Variants in PTPN4 observed in about 807,000 individuals in gnomAD.
The protein encoded by PTPN4 is protein tyrosine phosphatase non-receptor type 4.
A neutral mutation model predicts 135.5 loss-of-function variants in PTPN4; 49 were observed. The observed-to-expected ratio is 0.36, with a 90% CI of 0.29 to 0.46. The LOEUF is 0.46. Ranked by LOEUF, PTPN4 falls within the 20% of genes least tolerant of loss-of-function variation. The pLI is 1.00. For missense variants in PTPN4, 860 were observed against 1,101.0 expected, an observed-to-expected ratio of 0.78 and a Z score of 3.10; for synonymous variants, 333 against 369.9, an observed-to-expected ratio of 0.90 and a Z score of 1.14.
At chr2:119,938,888 C>T (rs1218055164) in intron 15 of PTPN4, among the ~76,000 whole-genome samples, 3 of 152,120 alleles carry the variant, frequency 2.0e-5, no homozygotes, top group South Asian at 2.1e-4. Context: ...AACAACTTTC[C>T]TCCTTTTTGC....
intron 1 of PTPN4, among the ~76,000 whole-genome samples, chr2:119,778,321 TAGTTCTTTGACTC>T (rs1056684236): frequency 5.3e-5 from 8 of 152,058 alleles, no homozygotes; most frequent in African/African-American, 1.9e-4. Context: ...GGAGAAAGAG[TAGTTCTTTGACTC>T]ACTAAATTAA....
At chr2:119,907,973 G>T (rs948355484) in intron 10 of PTPN4, among the ~76,000 whole-genome samples, 1 of 152,068 alleles carries the variant, frequency 6.6e-6, no homozygotes, top group South Asian at 2.1e-4. Flanking sequence ...AGAGTTACAC[G>T]TAAGACCTGA....
chr2:119,883,863 C>A (rs1370197889), intron 8 of PTPN4, among the ~76,000 whole-genome samples: 1 of 152,178 alleles, frequency 6.6e-6, no homozygotes, highest in Non-Finnish European at 1.5e-5. Context: ...AGAAAACTTA[C>A]TTTCTTTTAC....
chr2:119,793,150 C>T (rs889036673), intron 1 of PTPN4, among the ~76,000 whole-genome samples: 3 of 152,282 alleles, frequency 2.0e-5, no homozygotes, highest in African/African-American at 4.8e-5. Context: ...GAGACCAGGG[C>T]GTGTTTCATC....
At chr2:119,903,490 G>C (rs116502902) in intron 10 of PTPN4, among the ~76,000 whole-genome samples, 1 of 151,718 alleles carries the variant, frequency 6.6e-6, no homozygotes, top group Admixed American at 6.6e-5. Context: ...GATGTGCCTC[G>C]CCCTCAGCTA....
intron 2 of PTPN4, among the ~76,000 whole-genome samples, chr2:119,836,522 C>T (rs112822510): frequency 0.023 from 3,535 of 152,342 alleles, 128 homozygotes; most frequent in African/African-American, 0.077. Flanking sequence ...GCAGCTGGGG[C>T]TGTGCACTCC....
At chr2:119,801,900 G>GT (rs768983862) in intron 1 of PTPN4, among the ~76,000 whole-genome samples, 5,753 of 98,734 alleles carry the variant, frequency 0.058, 442 homozygotes, top group Non-Finnish European at 0.067. Flanking sequence ...CTTTCTTTCC[G>GT]TTTTTTTTTT....
chr2:119,946,266 AT>A lies in PTPN4; in HGVS notation c.1516-74del, dbSNP rs973881487. 3.5e-6 allele frequency: 4 copies of A among 1,147,534 alleles called. No individual in the cohort carries two copies. In the African/African-American group the frequency reaches 6.3e-5, roughly 18 times the overall value. The allele number at this position is 1,147,534 out of a possible 1,614,324, so 71.1% of individuals were successfully genotyped here. A position where few individuals can be genotyped will look rare whatever the true frequency, so the allele number is the denominator to read the frequency against. On this transcript the variant is annotated intron_variant, in intron 16 of 26. Transcript: ENST00000263708. ...TATGCATAATATAAGCATACAAAAAATATGCTTCCTATATATCTGAAGAATA... is the reference window on the plus strand; with the variant it reads ...TATGCATAATATAAGCATACAAAAAAATGCTTCCTATATATCTGAAGAATA...
intron 9 of PTPN4, among the ~76,000 whole-genome samples, chr2:119,888,753 T>C (rs963550435): frequency 6.6e-6 from 1 of 152,168 alleles, no homozygotes; most frequent in Non-Finnish European, 1.5e-5. Flanking sequence ...AAGATGTTGG[T>C]GTCTGTGTTC....
At chr2:119,775,134 G>C (rs930143428) in intron 1 of PTPN4, among the ~76,000 whole-genome samples, 18 of 126,696 alleles carry the variant, frequency 1.4e-4, no homozygotes, top group African/African-American at 5.4e-4. Context: ...AAGCCACAAA[G>C]GACATTTATT....
In PTPN4 at chr2:119,977,289, G is replaced by A. The variant is rs749152921; in HGVS notation, c.*219G>A. On this transcript the variant is annotated 3_prime_UTR_variant, in exon 27 of 27. Coordinates refer to ENST00000263708, the MANE Select transcript of PTPN4 (RefSeq NM_002830.4). ...TGAAGACTGTTTCATGCTTTGCTCC[G>A]AACAAATAGTAAATAACTGAGTATG... 20 of 690,394 alleles carry A rather than the reference G, an allele frequency of 2.9e-5. 1 individual carries two copies. Among genetic ancestry groups the A allele is most frequent in the South Asian group, 8.5e-5 (2 of 23,474 alleles). The allele number at this position is 690,394 out of a possible 1,614,324, so 42.8% of individuals were successfully genotyped here.
intron 1 of PTPN4, among the ~76,000 whole-genome samples, chr2:119,762,126 G>T (rs986251239): frequency 2.0e-5 from 3 of 152,042 alleles, no homozygotes; most frequent in Admixed American, 1.3e-4. Flanking sequence ...TACTTTCTGG[G>T]TCGGATGTAC....
At chr2:119,781,448 A>G (rs1168623994) in intron 1 of PTPN4, among the ~76,000 whole-genome samples, 1 of 152,190 alleles carries the variant, frequency 6.6e-6, no homozygotes, top group East Asian at 1.9e-4. Flanking sequence ...ATTAATATTT[A>G]TTCATTTGTT....
chr2:119,894,619 A>G (rs1678290804), intron 9 of PTPN4, among the ~76,000 whole-genome samples: 1 of 152,246 alleles, frequency 6.6e-6, no homozygotes. Context: ...ATTTTAAACA[A>G]GTGATATATT....
intron 9 of PTPN4, among the ~76,000 whole-genome samples, chr2:119,897,925 A>G (rs573564337): frequency 6.6e-6 from 1 of 152,344 alleles, no homozygotes; most frequent in South Asian, 2.1e-4. Flanking sequence ...TTGATGTTCC[A>G]AGTACGATCC....
Position 119,881,768 on chromosome 2 carries a change from T to C in PTPN4, c.369-18T>C. ...CAATTCTATTAAATGCTATCCTTTTTGTTTGTTTGTTTTTAAGGTACCAGT... is the reference window on the plus strand; with the variant it reads ...CAATTCTATTAAATGCTATCCTTTTCGTTTGTTTGTTTTTAAGGTACCAGT... On this transcript the variant is annotated intron_variant, in intron 5 of 26. Coordinates refer to ENST00000263708, the MANE Select transcript of PTPN4 (RefSeq NM_002830.4). The C allele has an allele frequency of 6.7e-7, 1 of 1,498,322 alleles. No homozygotes were observed. The highest frequency in any genetic ancestry group is 1.2e-5 in the South Asian group (1 of 82,250). 92.8% of individuals were successfully genotyped at this position (1,498,322 alleles called of 1,614,324 possible).
chr2:119,941,985 G>A (rs1679068143), intron 15 of PTPN4, among the ~76,000 whole-genome samples: 2 of 152,062 alleles, frequency 1.3e-5, no homozygotes, highest in Admixed American at 1.3e-4. Flanking sequence ...CATTCTTTCC[G>A]GAGCTTCCAG....
intron 2 of PTPN4, among the ~76,000 whole-genome samples, chr2:119,840,421 T>C (rs1263345385): frequency 1.3e-5 from 2 of 152,236 alleles, no homozygotes; most frequent in Non-Finnish European, 2.9e-5. Context: ...TCCATTCATG[T>C]CCTTGCAAAG....
At chr2:119,860,340 A>G (rs771739126) in intron 2 of PTPN4, among the ~76,000 whole-genome samples, 1 of 152,220 alleles carries the variant, frequency 6.6e-6, no homozygotes, top group Admixed American at 6.5e-5. Flanking sequence ...ATTCTGGCCA[A>G]TAAGAGTCTT....
Sources: gnomAD v4.1 joint callset for allele counts (sites outside exome capture counted in the v4.1 genomes callset) on GRCh38, gnomAD v4.1.1 for gene constraint, MANE v1.5 for transcripts, NCBI Gene and HGNC (gene_info 2026-07-23, HGNC 2026-07-21) for gene names.